DRC9: variants seen among roughly 807,000 people sequenced by gnomAD.
DRC9 encodes the protein dynein regulatory complex protein 9.
chr3:197,955,975 ATGC>A, the DRC9 span: 2 of 575,556 alleles, frequency 3.5e-6, no homozygotes, highest in Non-Finnish European at 6.3e-6. Flanking sequence ...ACGGGTTTTA[ATGC>A]GAGTATCTTT....
the DRC9 span, among the ~76,000 whole-genome samples, chr3:197,928,056 T>C: frequency 1.3e-5 from 2 of 152,134 alleles, no homozygotes. Flanking sequence ...TGTATACCTA[T>C]GTATCAAACC....
the DRC9 span, chr3:197,950,445 G>A: frequency 7.5e-6 from 5 of 665,432 alleles, no homozygotes; most frequent in Non-Finnish European, 1.0e-5. Flanking sequence ...AAATTCCTGG[G>A]CCTGAACGGA....
At chr3:197,931,199 A>G in the DRC9 span, among the ~76,000 whole-genome samples, 1 of 151,920 alleles carries the variant, frequency 6.6e-6, no homozygotes, top group Non-Finnish European at 1.5e-5. Context: ...AGAGAGTTCC[A>G]GGCCGAGCGC....
chr3:197,917,484 C>T, the DRC9 span, among the ~76,000 whole-genome samples: 1 of 152,198 alleles, frequency 6.6e-6, no homozygotes, highest in African/African-American at 2.4e-5. Flanking sequence ...GCTATAGGCC[C>T]TTTGAAAATA....
At chr3:197,898,702 C>A in the DRC9 span, among the ~76,000 whole-genome samples, 1 of 152,144 alleles carries the variant, frequency 6.6e-6, no homozygotes, top group Non-Finnish European at 1.5e-5. Context: ...CCTTATAAAA[C>A]CATCAGATCT....
chr3:197,914,528 G>T, the DRC9 span, among the ~76,000 whole-genome samples: 1 of 152,294 alleles, frequency 6.6e-6, no homozygotes. Flanking sequence ...CTTTCTTTTT[G>T]CAGGTCACCA....
the DRC9 span, among the ~76,000 whole-genome samples, chr3:197,903,748 G>A: frequency 6.6e-6 from 1 of 151,786 alleles, no homozygotes; most frequent in East Asian, 1.9e-4. Context: ...TATATGACAA[G>A]GGTTTAATAA....
the DRC9 span, chr3:197,951,566 T>A: frequency 4.3e-6 from 2 of 461,456 alleles, no homozygotes; most frequent in Non-Finnish European, 7.9e-6. Context: ...TTGGCCAGGC[T>A]GGTCCCAAAC....
the DRC9 span, among the ~76,000 whole-genome samples, chr3:197,895,752 A>G: frequency 2.0e-5 from 3 of 151,206 alleles, no homozygotes; most frequent in African/African-American, 7.3e-5. Flanking sequence ...GAGCAGGTGG[A>G]TTACTTGAGT....
the DRC9 span, among the ~76,000 whole-genome samples, chr3:197,903,300 C>A: frequency 6.6e-6 from 1 of 152,214 alleles, no homozygotes; most frequent in African/African-American, 2.4e-5. Flanking sequence ...TAATACCCCA[C>A]AAGCACGAGC....
the DRC9 span, among the ~76,000 whole-genome samples, chr3:197,945,896 C>T: frequency 1.2e-4 from 18 of 152,312 alleles, no homozygotes; most frequent in African/African-American, 4.3e-4. Flanking sequence ...GTTATTACTG[C>T]TCTACCAAAC....
the DRC9 span, among the ~76,000 whole-genome samples, chr3:197,905,377 T>C: frequency 6.6e-6 from 1 of 151,910 alleles, no homozygotes; most frequent in South Asian, 2.1e-4. Context: ...CCCACAAAAA[T>C]TAAAAATTAG....
At chr3:197,928,817 A>G in the DRC9 span, among the ~76,000 whole-genome samples, 1 of 152,256 alleles carries the variant, frequency 6.6e-6, no homozygotes, top group African/African-American at 2.4e-5. Context: ...AAATGTGTAC[A>G]GAATGAGAAG....
the DRC9 span, among the ~76,000 whole-genome samples, chr3:197,894,848 G>A: frequency 6.6e-6 from 1 of 152,282 alleles, no homozygotes; most frequent in South Asian, 2.1e-4. Context: ...AGGACTGCTT[G>A]AGGCCAGGAG....
chr3:197,933,729 A>C, the DRC9 span, among the ~76,000 whole-genome samples: 1 of 152,026 alleles, frequency 6.6e-6, no homozygotes, highest in South Asian at 2.1e-4. Context: ...GGTGATTATT[A>C]TTCTCTAGCA....
At chr3:197,957,560 C>G in the DRC9 span, 1 of 152,056 alleles carries the variant, frequency 6.6e-6, no homozygotes. Flanking sequence ...CGGGTTCACG[C>G]CATTCTGTCT....
chr3:197,945,774 T>G, the DRC9 span: 2 of 624,712 alleles, frequency 3.2e-6, no homozygotes, highest in African/African-American at 1.9e-5. Flanking sequence ...TAAGAGAAAA[T>G]TAAATGATTA....
At chr3:197,896,017 T>A in the DRC9 span, among the ~76,000 whole-genome samples, 1 of 117,770 alleles carries the variant, frequency 8.5e-6, no homozygotes, top group Non-Finnish European at 1.8e-5. Context: ...GCAACTGGGA[T>A]GCATTGTCAG....
At chr3:197,943,186 C>T in the DRC9 span, among the ~76,000 whole-genome samples, 3 of 152,178 alleles carry the variant, frequency 2.0e-5, no homozygotes, top group Admixed American at 6.5e-5. Flanking sequence ...TAGGTTGCAG[C>T]AGCTGAGAAA....
Sources: gnomAD v4.1 joint callset for allele counts (sites outside exome capture counted in the v4.1 genomes callset) on GRCh38, gnomAD v4.1.1 for gene constraint, MANE v1.5 for transcripts, NCBI Gene and HGNC (gene_info 2026-07-23, HGNC 2026-07-21) for gene names.